MAP3K19: variants seen among roughly 807,000 people sequenced by gnomAD.
MAP3K19 encodes the protein SPS1/STE20-related protein kinase YSK4.
In MAP3K19, 91 loss-of-function variants were observed where a neutral mutation model predicts 114.4. The ratio of observed to expected loss-of-function variants is 0.80; its 90% CI spans 0.67 to 0.95. The LOEUF (loss-of-function observed/expected upper bound fraction) is 0.95. Ranked by LOEUF, MAP3K19 falls within the 40% of genes least tolerant of loss-of-function variation. The pLI, the probability that MAP3K19 is intolerant of heterozygous loss-of-function variation, is 0.00. For missense variants in MAP3K19, 1,471 were observed against 1,573.2 expected (o/e 0.94, Z 1.10); for synonymous variants, 518 against 530.5 (o/e 0.98, Z 0.32).
chr2:135,014,076 G>A (rs138431073), intron 5 of MAP3K19, among the ~76,000 whole-genome samples: 2 of 152,208 alleles, frequency 1.3e-5, no homozygotes, highest in Admixed American at 6.5e-5. Context: ...ACATTCATTC[G>A]GGCCAGTGGT....
Position 135,005,450 on chromosome 2 carries a change from G to T in MAP3K19, c.220C>A (p.Gln74Lys). 2 of 1,612,790 alleles carry T rather than the reference G, an allele frequency of 1.2e-6. No individual in the cohort carries two copies. Reference sequence around the variant, plus strand: ...AGCCCAGTACCTTCTGTCCTGGGTTGCCAGTCCTGTCTACCACCACTGGGA... The same window carrying T: ...AGCCCAGTACCTTCTGTCCTGGGTTTCCAGTCCTGTCTACCACCACTGGGA... ...EDPSGGRQDW[Q>K]PRTEGVEITV... The change falls in exon 6 of 13, where the codon CAA (glutamine) becomes AAA (lysine). Residue 74 changes from glutamine to lysine, a missense_variant. Coordinates refer to ENST00000392915, the MANE Select transcript of MAP3K19 (RefSeq NM_025052.5).
At chr2:135,018,014 G>A (rs531571547) in intron 5 of MAP3K19, among the ~76,000 whole-genome samples, 5 of 152,248 alleles carry the variant, frequency 3.3e-5, no homozygotes, top group Admixed American at 1.3e-4. Flanking sequence ...AGTTTAGGCC[G>A]GGTACGGTGG....
chr2:135,042,609 G>C (rs996880448), intron 1 of MAP3K19, among the ~76,000 whole-genome samples: 10 of 152,106 alleles, frequency 6.6e-5, no homozygotes, highest in Non-Finnish European at 1.0e-4. Context: ...TCTGATGAAG[G>C]ACAGGCATGA....
At chr2:135,004,760 T>A (rs1177296960) in intron 6 of MAP3K19, among the ~76,000 whole-genome samples, 1 of 152,204 alleles carries the variant, frequency 6.6e-6, no homozygotes, top group South Asian at 2.1e-4. Context: ...GGTGGTGTTC[T>A]GGAAGATTCC....
intron 12 of MAP3K19, among the ~76,000 whole-genome samples, chr2:134,968,676 C>T (rs1271318728): frequency 3.9e-5 from 4 of 102,870 alleles, no homozygotes; most frequent in South Asian, 3.5e-4. Context: ...CAGACGGGGT[C>T]GCGGCCGGGC....
At chr2:135,019,071 C>A (rs1574033743) in intron 5 of MAP3K19, among the ~76,000 whole-genome samples, 2 of 150,868 alleles carry the variant, frequency 1.3e-5, no homozygotes, top group South Asian at 4.2e-4. Context: ...AGAAGTGAGA[C>A]TCCATCTCAA....
intron 2 of MAP3K19, among the ~76,000 whole-genome samples, chr2:135,033,379 C>A (rs1439200821): frequency 1.8e-5 from 2 of 113,768 alleles, no homozygotes; most frequent in Non-Finnish European, 3.3e-5. Context: ...GCTGACCCCC[C>A]CCACTGCCCT....
chr2:134,982,601 C>T (rs1293670737), intron 11 of MAP3K19, among the ~76,000 whole-genome samples: 3 of 152,120 alleles, frequency 2.0e-5, no homozygotes, highest in African/African-American at 4.8e-5. Context: ...CCACCCGCCT[C>T]GGCCTCCCAA....
chr2:135,024,354 C>CCT (rs1688168694), intron 4 of MAP3K19, among the ~76,000 whole-genome samples: 2 of 124,006 alleles, frequency 1.6e-5, no homozygotes, highest in African/African-American at 7.3e-5. Context: ...CTATAAGTCC[C>CCT]TCTTCCCCTT....
In MAP3K19 at chr2:134,998,976, T is replaced by G. The variant is rs777229247; in HGVS notation, c.336A>C (p.Gln112His). Residue 112 changes from glutamine (Q) to histidine (H), a missense_variant, in exon 8 of 13, where the codon CAA becomes CAC. By Grantham distance (24) the Gln-to-His change is conservative (BLOSUM62 0). Transcript: ENST00000392915. The stretch of plus-strand genomic sequence containing the variant: ...AAACTGCATGTGCTTGTGCCCATTC[T>G]TGAAGCGATGAGTTTATCAGACTAA... ...KEKNLINSSL[Q>H]EWAQAHAVSH... 4.3e-6 allele frequency: 7 copies of G among 1,613,474 alleles called. No individual in the cohort carries two copies. In the South Asian group the frequency reaches 7.7e-5, roughly 18 times the overall value.
chr2:134,985,389 G>A (rs1348440330), intron 10 of MAP3K19, among the ~76,000 whole-genome samples: 5 of 152,178 alleles, frequency 3.3e-5, no homozygotes, highest in Non-Finnish European at 4.4e-5. Flanking sequence ...AAAATGGTGA[G>A]CCACTTCTGG....
At chr2:135,028,816 G>C (rs1688312841) in intron 3 of MAP3K19, among the ~76,000 whole-genome samples, 1 of 152,022 alleles carries the variant, frequency 6.6e-6, no homozygotes, top group Non-Finnish European at 1.5e-5. Flanking sequence ...CTTCTCTAGG[G>C]ACAAACTAGA....
chr2:135,040,422 G>C lies in MAP3K19; in HGVS notation c.-343C>G, dbSNP rs1181575619. On this transcript the variant is annotated 5_prime_UTR_variant, in exon 2 of 13. Transcript: ENST00000392915. ...GGCGTATTCCACGTCTCTGGGTGCT[G>C]AAAGTCAAGGTTTCCGAGGATGGAT... The C allele has an allele frequency of 6.6e-6, 1 of 152,650 alleles. No individual in the cohort carries two copies. Among genetic ancestry groups the C allele is most frequent in the African/African-American group, 2.4e-5 (1 of 41,450 alleles). The allele number at this position is 152,650 out of a possible 1,614,324, so 9.5% of individuals were successfully genotyped here.
chr2:134,966,387 A>G (rs1381876678), intron 12 of MAP3K19, among the ~76,000 whole-genome samples: 2 of 152,024 alleles, frequency 1.3e-5, no homozygotes, highest in Non-Finnish European at 2.9e-5. Context: ...CCTTATCTAC[A>G]CATTCTTGCC....
intron 12 of MAP3K19, 63 bp downstream of exon 12, chr2:134,980,758 G>A: frequency 6.9e-7 from 1 of 1,458,378 alleles, no homozygotes. Flanking sequence ...AATTGAAAGG[G>A]AAATGTCTGC....
chr2:135,012,969 A>T (rs542215251), intron 5 of MAP3K19, among the ~76,000 whole-genome samples: 5 of 150,578 alleles, frequency 3.3e-5, no homozygotes, highest in African/African-American at 9.8e-5. Context: ...GTTTGTTTGT[A>T]TGTTTGTTTG....
At chr2:134,983,111 A>G in intron 11 of MAP3K19, 1 of 478,378 alleles carries the variant, frequency 2.1e-6, no homozygotes, top group Non-Finnish European at 4.3e-6. Context: ...GTTGTTAACT[A>G]TAGTCACCCT....
intron 8 of MAP3K19, among the ~76,000 whole-genome samples, chr2:134,991,958 G>A (rs1448250240): frequency 3.3e-5 from 5 of 152,174 alleles, no homozygotes; most frequent in Admixed American, 3.3e-4. Context: ...ATCACAGGAG[G>A]GAGCTCTGGA....
rs1376795980 is a variant in MAP3K19 at position 134,987,455 on chromosome 2, T to C, written c.1417A>G (p.Arg473Gly). 8 of 1,614,206 alleles carry C rather than the reference T, an allele frequency of 5.0e-6. No individual in the cohort carries two copies. Among genetic ancestry groups the C allele is most frequent in the Non-Finnish European group, 8.5e-7 (1 of 1,180,040 alleles). Residue 473 changes from arginine to glycine, a missense_variant, in exon 10 of 13, where the codon AGA (arginine) becomes GGA (glycine). Coordinates refer to ENST00000392915, the MANE Select transcript of MAP3K19 (RefSeq NM_025052.5). The stretch of plus-strand genomic sequence containing the variant: ...ATCCTACTCATTTCTGGTTTGGCTC[T>C]TTCTGCTATTGATATTTTTATGTTT... ...ETNIKISIAE[R>G]AKPEMSRMVP...
Sources: allele counts gnomAD v4.1 joint callset (sites outside exome capture counted in the v4.1 genomes callset), GRCh38; gene constraint gnomAD v4.1.1; transcripts MANE v1.5; gene names NCBI Gene and HGNC (gene_info 2026-07-23, HGNC 2026-07-21).